The following KIF26B variants were observed in gnomAD, a reference collection of about 807,000 sequenced individuals.
KIF26B encodes kinesin family member 26B.
Under a neutral mutation model 151.2 loss-of-function variants are expected in KIF26B, and 63 were observed. The ratio of observed to expected loss-of-function variants is 0.42; its 90% CI spans 0.34 to 0.51. The LOEUF is 0.51. Among genes scored for constraint, KIF26B ranks in the 20% least tolerant of loss-of-function variants. The pLI, the probability that KIF26B is intolerant of heterozygous loss-of-function variation, is 0.07. For synonymous variants in KIF26B, 1,357 were observed against 1,262.1 expected (o/e 1.08, Z -1.59); for missense variants, 2,813 against 2,913.6 (o/e 0.97, Z 0.79).
At chr1:245,362,425 C>T (rs1672844758) in intron 2 of KIF26B, among the ~76,000 whole-genome samples, 1 of 150,542 alleles carries the variant, frequency 6.6e-6, no homozygotes, top group South Asian at 2.1e-4. Flanking sequence ...GTAGTCCCAG[C>T]TACTCAGGAG....
chr1:245,343,296 A>G (rs992965179), intron 2 of KIF26B, among the ~76,000 whole-genome samples: 9 of 152,136 alleles, frequency 5.9e-5, no homozygotes, highest in African/African-American at 1.9e-4. Flanking sequence ...GTGAGATTTC[A>G]GATCAGGGCC....
chr1:245,652,145 T>TACA (rs2044025611), intron 10 of KIF26B, among the ~76,000 whole-genome samples: 1 of 142,658 alleles, frequency 7.0e-6, no homozygotes, highest in Non-Finnish European at 1.5e-5. Flanking sequence ...TGTGTGTGTG[T>TACA]GAGAGAGACA....
At chr1:245,258,200 GT>G (rs1444811474) in intron 2 of KIF26B, among the ~76,000 whole-genome samples, 1 of 152,178 alleles carries the variant, frequency 6.6e-6, no homozygotes, top group Non-Finnish European at 1.5e-5. Flanking sequence ...CACCTACGGT[GT>G]TTATGGAGTT....
chr1:245,418,018 T>C (rs1674462382), intron 3 of KIF26B, among the ~76,000 whole-genome samples: 1 of 152,232 alleles, frequency 6.6e-6, no homozygotes, highest in South Asian at 2.1e-4. Flanking sequence ...GGGGGTTTTG[T>C]TTTGTCTTTG....
At chr1:245,432,512 A>C (rs1658804609) in intron 4 of KIF26B, among the ~76,000 whole-genome samples, 1 of 152,216 alleles carries the variant, frequency 6.6e-6, no homozygotes, top group African/African-American at 2.4e-5. Flanking sequence ...TAGCACAAAC[A>C]AAGTAGGGCT....
intron 4 of KIF26B, among the ~76,000 whole-genome samples, chr1:245,501,628 A>T (rs1329210887): frequency 1.3e-5 from 2 of 152,214 alleles, no homozygotes; most frequent in Non-Finnish European, 2.9e-5. Flanking sequence ...TAATTGGAGG[A>T]TAATTGCTAC....
At chr1:245,205,573 T>C in intron 2 of KIF26B, among the ~76,000 whole-genome samples, 1 of 152,198 alleles carries the variant, frequency 6.6e-6, no homozygotes, top group Admixed American at 6.5e-5. Context: ...CTTGGCAACC[T>C]TATGGTATGG....
At chr1:245,184,880 A>T (rs1299620339) in intron 2 of KIF26B, among the ~76,000 whole-genome samples, 15 of 152,198 alleles carry the variant, frequency 9.9e-5, no homozygotes, top group Admixed American at 9.8e-4. Context: ...GAGGTTTATT[A>T]TTGCTGTAGC....
chr1:245,465,486 T>G (rs1659766116), intron 4 of KIF26B, among the ~76,000 whole-genome samples: 1 of 152,076 alleles, frequency 6.6e-6, no homozygotes, highest in Admixed American at 6.5e-5. Context: ...CTTAGAGAGA[T>G]TCTATCGACC....
At chr1:245,182,486 TGTGG>T (rs1231131142) in intron 2 of KIF26B, among the ~76,000 whole-genome samples, 2 of 152,222 alleles carry the variant, frequency 1.3e-5, no homozygotes, top group Non-Finnish European at 2.9e-5. Flanking sequence ...TCGATGGCTA[TGTGG>T]GCTATTTCTA....
chr1:245,385,431 G>T (rs978186039), intron 3 of KIF26B, among the ~76,000 whole-genome samples: 6 of 152,188 alleles, frequency 3.9e-5, no homozygotes, highest in African/African-American at 1.4e-4. Context: ...CATCTACTGA[G>T]TGCATGGATG....
At chr1:245,209,028 A>G (rs1669461027) in intron 2 of KIF26B, among the ~76,000 whole-genome samples, 1 of 152,216 alleles carries the variant, frequency 6.6e-6, no homozygotes, top group Non-Finnish European at 1.5e-5. Context: ...CCAGACTGTA[A>G]GTCCCTTGAG....
chr1:245,618,767 C>G (rs563863238), intron 9 of KIF26B, among the ~76,000 whole-genome samples: 1 of 146,272 alleles, frequency 6.8e-6, no homozygotes, highest in Non-Finnish European at 1.5e-5. Context: ...ACTATGGGTT[C>G]CTTGAGACAG....
rs998692954 is a variant in KIF26B at position 245,597,537 on chromosome 1, G to A, written c.1351-5040G>A. Among the ~76,000 whole-genome samples, 1 of 152,162 alleles carries A rather than the reference G, an allele frequency of 6.6e-6. No homozygotes were observed. Among genetic ancestry groups the A allele is most frequent in the African/African-American group, 2.4e-5 (1 of 41,434 alleles). ...ATGGGCTTCCCTTTGTGGGTAACCT[G>A]ACCTTTCTCTCTAGTGCCCATAACA... On this transcript the variant is annotated intron_variant, in intron 5 of 14. Coordinates refer to ENST00000407071, the MANE Select transcript of KIF26B (RefSeq NM_018012.4). The surrounding 1 kb of genome is among the most constrained non-coding windows in gnomAD (Gnocchi z 4.6).
chr1:245,607,815 C>T (rs1301744415), intron 7 of KIF26B, 71 bp downstream of exon 7: 1 of 1,206,194 alleles, frequency 8.3e-7, no homozygotes, highest in Non-Finnish European at 1.2e-6. Context: ...CTCTGTCTCC[C>T]TCCCAGAGTT....
intron 2 of KIF26B, among the ~76,000 whole-genome samples, chr1:245,219,127 C>CTTTTTTTTTTTTTTTT (rs1166578525): frequency 3.6e-5 from 2 of 56,144 alleles, no homozygotes; most frequent in African/African-American, 1.3e-4. Flanking sequence ...ATACCTACCT[C>CTTTTTTTTTTTTTTTT]TTTTTTTTTT....
At chr1:245,172,668 G>A (rs895634765) in intron 2 of KIF26B, among the ~76,000 whole-genome samples, 15 of 152,298 alleles carry the variant, frequency 9.8e-5, no homozygotes, top group African/African-American at 3.6e-4. Flanking sequence ...AAATTAGCCA[G>A]ATGTGGTTGT....
intron 10 of KIF26B, among the ~76,000 whole-genome samples, chr1:245,670,429 G>T (rs948949218): frequency 7.9e-5 from 12 of 151,314 alleles, no homozygotes; most frequent in African/African-American, 2.7e-4. Context: ...GTGATGATTT[G>T]ATATATATTG....
At chr1:245,394,276 G>T (rs927688559) in intron 3 of KIF26B, among the ~76,000 whole-genome samples, 2 of 152,140 alleles carry the variant, frequency 1.3e-5, no homozygotes, top group African/African-American at 4.8e-5. Context: ...AGAGAGCAGT[G>T]CTCCATGCAT....
Sources: allele counts gnomAD v4.1 joint callset (sites outside exome capture counted in the v4.1 genomes callset), GRCh38; gene constraint gnomAD v4.1.1; non-coding constraint Gnocchi (gnomAD v3.1); transcripts MANE v1.5; gene names NCBI Gene and HGNC (gene_info 2026-07-23, HGNC 2026-07-21).